The following PWP1 variants were observed in gnomAD, a reference collection of about 807,000 sequenced individuals.
PWP1 encodes the protein periodic tryptophan protein 1 homolog.
Under a neutral mutation model 69.9 loss-of-function variants are expected in PWP1, and 47 were observed. The ratio of observed to expected loss-of-function variants is 0.67; its 90% CI spans 0.53 to 0.86. The LOEUF (loss-of-function observed/expected upper bound fraction) is 0.86, where lower values mean the gene tolerates loss of function less well. PWP1 is among the 40% of genes least tolerant of loss of function. The pLI is 0.00. For missense variants in PWP1, 551 were observed against 608.8 expected (o/e 0.91, Z 1.00); for synonymous variants, 222 against 208.2 (o/e 1.07, Z -0.57).
chr12:107,708,385 C>T (rs1447804706), intron 11 of PWP1, among the ~76,000 whole-genome samples: 1 of 152,154 alleles, frequency 6.6e-6, no homozygotes, highest in Non-Finnish European at 1.5e-5. Flanking sequence ...AGGTTTCTGT[C>T]TCCCATTTTT....
intron 10 of PWP1, among the ~76,000 whole-genome samples, chr12:107,704,385 G>T (rs142242514): frequency 6.6e-6 from 1 of 152,150 alleles, no homozygotes. Context: ...TTCTTCTTGC[G>T]AGTGGAAGAT....
chr12:107,688,290 C>G (rs201234714), intron 1 of PWP1, among the ~76,000 whole-genome samples, 158 bp from the exon 2 acceptor site: 1 of 102,930 alleles, frequency 9.7e-6, no homozygotes, highest in Non-Finnish European at 2.3e-5. Context: ...TCTATAAAAT[C>G]TATATTTTTT....
chr12:107,686,164 C>G, intron 1 of PWP1, 193 bp downstream of exon 1: 1 of 630,588 alleles, frequency 1.6e-6, no homozygotes, highest in Non-Finnish European at 2.8e-6. Flanking sequence ...CCTGGAGAGT[C>G]AAGGGCCGCG....
intron 3 of PWP1, among the ~76,000 whole-genome samples, chr12:107,691,548 G>A (rs141560924): frequency 6.6e-6 from 1 of 152,150 alleles, no homozygotes; most frequent in Non-Finnish European, 1.5e-5. Flanking sequence ...AGCAATGAGG[G>A]CCTGGCTTGG....
chr12:107,696,752 G>A lies in PWP1; in HGVS notation c.613+168G>A, dbSNP rs986750798. Among the ~76,000 whole-genome samples, 3 of 152,260 alleles carry A rather than the reference G, an allele frequency of 2.0e-5. 1 individual carries two copies. The South Asian group carries it at 6.2e-4, about 32-fold the overall frequency. The stretch of plus-strand genomic sequence containing the variant: ...GTTCTTAACACACCATCACTTTATT[G>A]TTTGGGGTTCATAAATCCCCAGACT... On this transcript the variant is annotated intron_variant, in intron 6 of 14. Coordinates refer to ENST00000412830, the MANE Select transcript of PWP1 (RefSeq NM_007062.3).
chr12:107,705,560 C>A (rs1451368562), intron 11 of PWP1, among the ~76,000 whole-genome samples: 2 of 144,076 alleles, frequency 1.4e-5, no homozygotes, highest in Non-Finnish European at 3.0e-5. Flanking sequence ...TGATGTTCCC[C>A]TTCCTGTGTC....
chr12:107,709,504 T>C (rs1316479959), intron 13 of PWP1, among the ~76,000 whole-genome samples: 3 of 147,056 alleles, frequency 2.0e-5, no homozygotes, highest in African/African-American at 4.9e-5. Context: ...ACAAGTGAAA[T>C]GGCTGCTTTT....
At chr12:107,707,673 G>C (rs544429246) in intron 11 of PWP1, among the ~76,000 whole-genome samples, 10 of 152,238 alleles carry the variant, frequency 6.6e-5, no homozygotes, top group Admixed American at 5.2e-4. Context: ...TTTGTCTTTG[G>C]TTCTGTTTAT....
chr12:107,688,573 G>T, intron 2 of PWP1, 42 bp from the exon 3 acceptor site: 1 of 1,610,074 alleles, frequency 6.2e-7, no homozygotes, highest in Non-Finnish European at 8.5e-7. Flanking sequence ...GTTATTAGAA[G>T]GTAGCATTTG....
At position 107,705,292 on chromosome 12, in the gene PWP1, C is replaced by T. The variant is rs570972422; in HGVS notation, c.1077+545C>T. On this transcript the variant is annotated intron_variant, in intron 11 of 14. Coordinates refer to ENST00000412830, the MANE Select transcript of PWP1 (RefSeq NM_007062.3). The stretch of plus-strand genomic sequence containing the variant: ...CATGTAAAAAGAAAAGCCCAGCTTT[C>T]ATCCAGAGCAAAGATTAGTTAAATT... Among the ~76,000 whole-genome samples, 3 of 152,142 alleles carry T rather than the reference C, an allele frequency of 2.0e-5. No homozygotes were observed. The South Asian group carries it at 6.2e-4, about 32-fold the overall frequency.
chr12:107,707,917 A>G (rs1889857892), intron 11 of PWP1, among the ~76,000 whole-genome samples: 1 of 152,158 alleles, frequency 6.6e-6, no homozygotes, highest in Non-Finnish European at 1.5e-5. Flanking sequence ...GGCCTCATAA[A>G]ATGAGTTAGG....
intron 3 of PWP1, 79 bp downstream of exon 3, chr12:107,688,881 C>G: frequency 7.2e-7 from 1 of 1,388,102 alleles, no homozygotes; most frequent in Non-Finnish European, 9.8e-7. Flanking sequence ...CAAAGCTTTA[C>G]TCTTAGATTT....
At chr12:107,695,249 G>C (rs1889560708) in intron 5 of PWP1, among the ~76,000 whole-genome samples, 1 of 151,458 alleles carries the variant, frequency 6.6e-6, no homozygotes, top group Non-Finnish European at 1.5e-5. Context: ...CTGGGCGACA[G>C]AGCAAGACTC....
chr12:107,693,092 G>A lies in PWP1; in HGVS notation c.498G>A (p.Val166=), dbSNP rs1889517512. ...RAEQDQCNLE[V]HVYNQEEDSF... Reference sequence around the variant, plus strand: ...AACAGGACCAGTGCAATTTAGAGGTGCATGGTAAGTGATAAATCCCTTATT... The same window carrying A: ...AACAGGACCAGTGCAATTTAGAGGTACATGGTAAGTGATAAATCCCTTATT... Residue 166 remains valine, a synonymous_variant, in exon 5 of 15, where the codon GTG becomes GTA. Coordinates refer to ENST00000412830, the MANE Select transcript of PWP1 (RefSeq NM_007062.3). The A allele has an allele frequency of 1.9e-6, 3 of 1,600,488 alleles. No individual in the cohort carries two copies. Among genetic ancestry groups the A allele is most frequent in the East Asian group, 2.2e-5 (1 of 44,758 alleles).
In PWP1 at chr12:107,685,862, C is replaced by A. The variant is rs370131698; in HGVS notation, c.-38C>A. 1.2e-6 allele frequency: 2 copies of A among 1,611,564 alleles called. No homozygotes were observed. The highest frequency in any genetic ancestry group is 2.7e-5 in the African/African-American group (2 of 75,016). ...GCGGTCGTGGTCCCTCCCTATGCAG[C>A]CTGGTTTCTAGCGTGACACGCCCTT... On this transcript the variant is annotated 5_prime_UTR_variant, in exon 1 of 15. Coordinates refer to ENST00000412830, the MANE Select transcript of PWP1 (RefSeq NM_007062.3).
chr12:107,697,661 G>A, intron 7 of PWP1, 64 bp downstream of exon 7: 2 of 1,464,348 alleles, frequency 1.4e-6, no homozygotes, highest in Non-Finnish European at 1.9e-6. Flanking sequence ...GAGTAGGGGT[G>A]AAGGGTAAGA....
rs80153445 is a variant in PWP1 at position 107,697,019 on chromosome 12, A to C, written c.613+435A>C. On this transcript the variant is annotated intron_variant, in intron 6 of 14. Coordinates refer to ENST00000412830, the MANE Select transcript of PWP1 (RefSeq NM_007062.3). ...TTAGTCTTTGTAACCACATCTGCAC[A>C]CTATTAGTTGCCCCTGTCCGTACTT... 9.7e-3 allele frequency among the ~76,000 whole-genome samples: 1,479 copies of C among 152,308 alleles called. 15 individuals carry two copies. The highest frequency in any genetic ancestry group is 0.011 in the Non-Finnish European group (768 of 68,024).
intron 8 of PWP1, among the ~76,000 whole-genome samples, chr12:107,702,633 TGAAA>T (rs1268662848): frequency 6.6e-6 from 1 of 152,206 alleles, no homozygotes; most frequent in Non-Finnish European, 1.5e-5. Flanking sequence ...TCAGAGATTT[TGAAA>T]GAGATTGGTT....
At chr12:107,699,313 T>C in intron 7 of PWP1, 60 bp from the exon 8 acceptor site, 1 of 1,230,316 alleles carries the variant, frequency 8.1e-7, no homozygotes, top group Non-Finnish European at 1.2e-6. Flanking sequence ...CAGATTAATA[T>C]ATTCAGTTTT....
Sources: allele counts gnomAD v4.1 joint callset (sites outside exome capture counted in the v4.1 genomes callset), GRCh38; gene constraint gnomAD v4.1.1; transcripts MANE v1.5; gene names NCBI Gene and HGNC (gene_info 2026-07-23, HGNC 2026-07-21).